The following KIAA0586 variants were observed in gnomAD, a reference collection of about 807,000 sequenced individuals.
The protein encoded by KIAA0586 is protein TALPID3.
KIAA0586 carries 144 observed loss-of-function variants against 169.8 expected under a neutral mutation model. The ratio of observed to expected loss-of-function variants is 0.85; its 90% CI spans 0.74 to 0.97. The LOEUF is 0.97. KIAA0586 is among the 50% of genes least tolerant of loss of function. KIAA0586 has a pLI of 0.00. For synonymous variants in KIAA0586, 625 were observed against 612.4 expected, an observed-to-expected ratio of 1.02 and a Z score of -0.30; for missense variants, 1,854 against 1,823.0, an observed-to-expected ratio of 1.02 and a Z score of -0.31.
intron 21 of KIAA0586, among the ~76,000 whole-genome samples, chr14:58,483,100 A>G (rs1255570005): frequency 2.6e-5 from 4 of 152,214 alleles, no homozygotes; most frequent in South Asian, 2.1e-4. Context: ...GAATTGGCCA[A>G]TCCTTGCATA....
chr14:58,524,584 T>C (rs575427278), intron 29 of KIAA0586, among the ~76,000 whole-genome samples: 1 of 152,288 alleles, frequency 6.6e-6, no homozygotes, highest in South Asian at 2.1e-4. Context: ...CTATTTAGAA[T>C]TAGAGGCACT....
chr14:58,437,781 C>T (rs1346997746), intron 4 of KIAA0586, among the ~76,000 whole-genome samples: 1 of 148,428 alleles, frequency 6.7e-6, no homozygotes, highest in African/African-American at 2.5e-5. Context: ...CAGAAGTCAT[C>T]ATTATGTAAG....
At chr14:58,469,737 C>CTACACATTTCTCTACA (rs1566846929) in intron 16 of KIAA0586, among the ~76,000 whole-genome samples, 1 of 152,134 alleles carries the variant, frequency 6.6e-6, no homozygotes, top group Non-Finnish European at 1.5e-5. Context: ...TAGAAATGTT[C>CTACACATTTCTCTACA]AAAGGACATG....
intron 29 of KIAA0586, among the ~76,000 whole-genome samples, chr14:58,515,236 G>T (rs149378375): frequency 6.6e-6 from 1 of 151,264 alleles, no homozygotes; most frequent in Non-Finnish European, 1.5e-5. Context: ...TAGATTACAC[G>T]TTACTCAGAA....
At chr14:58,450,830 C>A in intron 8 of KIAA0586, 84 bp downstream of exon 8, 1 of 761,100 alleles carries the variant, frequency 1.3e-6, no homozygotes, top group South Asian at 1.9e-5. Flanking sequence ...GAAGTGGGAT[C>A]TCTATTTGTA....
intron 20 of KIAA0586, among the ~76,000 whole-genome samples, chr14:58,479,994 C>A (rs2041919930): frequency 6.6e-6 from 1 of 151,544 alleles, no homozygotes; most frequent in African/African-American, 2.4e-5. Context: ...CTTTTTTATT[C>A]CTGTTTATCA....
intron 4 of KIAA0586, among the ~76,000 whole-genome samples, chr14:58,438,800 A>G (rs932581258): frequency 6.6e-6 from 1 of 152,184 alleles, no homozygotes; most frequent in South Asian, 2.1e-4. Context: ...AAGAAGGGTG[A>G]GAGAGCAGAG....
At chr14:58,481,800 A>T (rs1247001904) in intron 20 of KIAA0586, among the ~76,000 whole-genome samples, 1 of 101,656 alleles carries the variant, frequency 9.8e-6, no homozygotes, top group Admixed American at 1.4e-4. Context: ...GTATATTGGC[A>T]TCTCTAAACT....
In KIAA0586 at chr14:58,547,996, A is replaced by G; in HGVS notation, c.*64A>G. On this transcript the variant is annotated 3_prime_UTR_variant, in exon 31 of 31. Coordinates refer to ENST00000652326, the MANE Select transcript of KIAA0586 (RefSeq NM_001329943.3). ...TTTTAAAGTCATTTTACCTTGGCTT[A>G]AAACCCTCTCTCAGACTGTTTGGTT... The G allele has an allele frequency of 6.3e-7, 1 of 1,582,992 alleles. No homozygotes were observed. Among genetic ancestry groups the G allele is most frequent in the Non-Finnish European group, 8.6e-7 (1 of 1,158,578 alleles).
intron 7 of KIAA0586, among the ~76,000 whole-genome samples, 187 bp from the exon 8 acceptor site, chr14:58,450,392 G>A (rs1383036494): frequency 6.6e-6 from 1 of 152,096 alleles, no homozygotes; most frequent in East Asian, 1.9e-4. Flanking sequence ...CTAGATGTAA[G>A]TGTACAATGT....
chr14:58,557,740 A>G, the KIAA0586 span, among the ~76,000 whole-genome samples: 2 of 152,064 alleles, frequency 1.3e-5, no homozygotes, highest in African/African-American at 4.8e-5. Context: ...CCTATTAGGC[A>G]GCTTTGTCTT....
In KIAA0586 at chr14:58,442,894, C is replaced by T; in HGVS notation, c.585+14C>T. 6.3e-7 allele frequency: 1 copy of T among 1,577,838 alleles called. No homozygotes were observed. The highest frequency in any genetic ancestry group is 8.6e-7 in the Non-Finnish European group (1 of 1,159,716). On this transcript the variant is annotated intron_variant, in intron 5 of 30. Transcript: ENST00000652326. ...CCGTTGATAAAGGTATATTTTTCTTCCCAGATAATCATAACTACTTTGTGA... is the reference window on the plus strand; with the variant it reads ...CCGTTGATAAAGGTATATTTTTCTTTCCAGATAATCATAACTACTTTGTGA...
Position 58,530,618 on chromosome 14 carries a change from G to A in KIAA0586, c.4430-9453G>A, listed in dbSNP as rs529841667. Among the ~76,000 whole-genome samples, 259 of 152,196 alleles carry A rather than the reference G, an allele frequency of 1.7e-3. 1 individual carries two copies. The highest frequency in any genetic ancestry group is 6.1e-3 in the African/African-American group (254 of 41,540). ...AGGATTCCCTATTTAATAAATGGTG[G>A]TGGGAAAACTGGCTAGCCATATGCA... On this transcript the variant is annotated intron_variant, in intron 29 of 30. Transcript: ENST00000652326.
rs1198967897 is a variant in KIAA0586 at position 58,474,600 on chromosome 14, C to A, written c.2635-7C>A. 9.6e-6 allele frequency: 15 copies of A among 1,564,748 alleles called. No homozygotes were observed. The East Asian group carries it at 3.4e-4, about 36-fold the overall frequency. On this transcript the variant is annotated splice_polypyrimidine_tract_variant and splice_region_variant and intron_variant, in intron 18 of 30. Transcript: ENST00000652326. ...GAATATAATAGTTTTGTTTTTGTTA[C>A]TACCAGGAAGAAGAAAAATGTGATG...
At chr14:58,547,736 C>A in intron 30 of KIAA0586, 45 bp from the exon 31 acceptor site, 12 of 1,245,436 alleles carry the variant, frequency 9.6e-6, no homozygotes, top group Non-Finnish European at 1.4e-5. Context: ...CACGTAAATA[C>A]TCAGGTTACG....
At chr14:58,497,631 G>C (rs2043251139) in intron 26 of KIAA0586, among the ~76,000 whole-genome samples, 2 of 151,480 alleles carry the variant, frequency 1.3e-5, no homozygotes, top group Admixed American at 6.6e-5. Flanking sequence ...CCAAAGTGCT[G>C]GGTGGTGTGA....
intron 1 of KIAA0586, among the ~76,000 whole-genome samples, chr14:58,428,852 C>A (rs917342197): frequency 6.6e-6 from 1 of 152,000 alleles, no homozygotes; most frequent in African/African-American, 2.4e-5. Flanking sequence ...GGACTTCTGC[C>A]AATTGATGGC....
intron 18 of KIAA0586, among the ~76,000 whole-genome samples, chr14:58,473,790 C>A (rs1347436481): frequency 6.6e-6 from 1 of 151,958 alleles, no homozygotes; most frequent in African/African-American, 2.4e-5. Context: ...CCTGTAATGC[C>A]AGCATCTCGG....
intron 4 of KIAA0586, among the ~76,000 whole-genome samples, chr14:58,433,647 C>T (rs141768302): frequency 2.4e-3 from 358 of 152,226 alleles, no homozygotes; most frequent in Non-Finnish European, 3.0e-3. Context: ...TATCAAATTA[C>T]AGCATATGGA....
Sources: allele counts gnomAD v4.1 joint callset (sites outside exome capture counted in the v4.1 genomes callset), GRCh38; gene constraint gnomAD v4.1.1; transcripts MANE v1.5; gene names NCBI Gene and HGNC (gene_info 2026-07-23, HGNC 2026-07-21).